FNIP1: variants seen among roughly 807,000 people sequenced by gnomAD.
FNIP1 encodes folliculin-interacting protein 1.
Under a neutral mutation model 124.5 loss-of-function variants are expected in FNIP1, and 40 were observed. The observed-to-expected ratio is 0.32, with a 90% confidence interval of 0.25 to 0.42. FNIP1 has a LOEUF of 0.42. FNIP1 is among the 10% of genes least tolerant of loss of function. The pLI is 1.00. For synonymous variants in FNIP1, 472 were observed against 470.6 expected, an observed-to-expected ratio of 1.00 and a Z score of -0.04; for missense variants, 1,176 against 1,403.7, an observed-to-expected ratio of 0.84 and a Z score of 2.59.
At chr5:131,753,948 G>T (rs1345639909) in intron 1 of FNIP1, among the ~76,000 whole-genome samples, 1 of 151,980 alleles carries the variant, frequency 6.6e-6, no homozygotes, top group East Asian at 1.9e-4. Context: ...TGAGTAGCTG[G>T]GACTACAGGC....
rs1554096094 is a variant in FNIP1, at chr5:131,716,977, A to AT, written c.531-322_531-321insA. 2.0e-5 allele frequency among the ~76,000 whole-genome samples: 3 copies of AT among 151,166 alleles called. No homozygotes were observed. In the East Asian group the frequency reaches 5.8e-4, roughly 29 times the overall value. On this transcript the variant is annotated intron_variant, in intron 5 of 17. Coordinates refer to ENST00000510461, the MANE Select transcript of FNIP1 (RefSeq NM_133372.3). ...ATTGTCTGGCTCACAAAGCCAAAAA[A>AT]ATATATATATATTTTTTTTTATTAT...
At chr5:131,765,841 C>A (rs1771402745) in intron 1 of FNIP1, among the ~76,000 whole-genome samples, 1 of 152,138 alleles carries the variant, frequency 6.6e-6, no homozygotes, top group South Asian at 2.1e-4. Context: ...CCCTATAAAA[C>A]CTAATTTTGT....
intron 2 of FNIP1, among the ~76,000 whole-genome samples, chr5:131,734,940 C>T (rs1187085221): frequency 1.3e-5 from 2 of 152,164 alleles, no homozygotes; most frequent in African/African-American, 2.4e-5. Context: ...ACCATTTGAC[C>T]TAGCAATCCC....
At chr5:131,760,685 T>C (rs1391707480) in intron 1 of FNIP1, among the ~76,000 whole-genome samples, 3 of 152,180 alleles carry the variant, frequency 2.0e-5, no homozygotes, top group Non-Finnish European at 4.4e-5. Flanking sequence ...CCATCATTGT[T>C]ATTTCTCACT....
chr5:131,731,716 G>A (rs531741971), intron 2 of FNIP1, among the ~76,000 whole-genome samples: 1 of 151,462 alleles, frequency 6.6e-6, no homozygotes, highest in Non-Finnish European at 1.5e-5. Flanking sequence ...AGGATCCCAA[G>A]AGTCTTTTGT....
rs993696014 is a variant in FNIP1 at position 131,730,663 on chromosome 5, TA to T, written c.354+240del. Among the ~76,000 whole-genome samples, 11 of 152,240 alleles carry T rather than the reference TA, an allele frequency of 7.2e-5. 1 individual carries two copies. The highest frequency in any genetic ancestry group is 5.9e-4 in the Admixed American group (9 of 15,286). ...ATAAGAAATTATTCTGATAACCCAA[TA>T]AATCTGAATTGGGAAATATAAGGAG... On this transcript the variant is annotated intron_variant, in intron 3 of 17. Coordinates refer to ENST00000510461, the MANE Select transcript of FNIP1 (RefSeq NM_133372.3).
chr5:131,687,104 CTTT>C (rs796325487), intron 11 of FNIP1, among the ~76,000 whole-genome samples: 2 of 133,886 alleles, frequency 1.5e-5, no homozygotes, highest in East Asian at 2.2e-4. Flanking sequence ...GTTTGTTTGG[CTTT>C]TTTTTTTTTT....
intron 1 of FNIP1, among the ~76,000 whole-genome samples, chr5:131,755,877 C>A (rs1024416359): frequency 1.2e-4 from 18 of 151,816 alleles, no homozygotes; most frequent in African/African-American, 4.1e-4. Flanking sequence ...GGCATAGTGG[C>A]ACATGTCTGT....
At chr5:131,741,581 C>T (rs974821635) in intron 2 of FNIP1, among the ~76,000 whole-genome samples, 6 of 152,164 alleles carry the variant, frequency 3.9e-5, no homozygotes, top group African/African-American at 1.4e-4. Context: ...TCTTCATTGA[C>T]AATTCTTTGG....
In FNIP1 at chr5:131,714,848, G is replaced by C. The variant is rs188310225; in HGVS notation, c.622+1717C>G. On this transcript the variant is annotated intron_variant, in intron 6 of 17. Transcript: ENST00000510461. ...ACTGTAATTGTTGTATTACTTTTCTGACTTCCACTCACTATAAATCCATTG... is the reference window on the plus strand; with the variant it reads ...ACTGTAATTGTTGTATTACTTTTCTCACTTCCACTCACTATAAATCCATTG... Among the ~76,000 whole-genome samples, 287 of 152,238 alleles carry C rather than the reference G, an allele frequency of 1.9e-3. 1 individual carries two copies. Among genetic ancestry groups the C allele is most frequent in the African/African-American group, 5.9e-3 (246 of 41,536 alleles).
chr5:131,718,957 C>T (rs368046795), intron 5 of FNIP1, 29 bp downstream of exon 5: 1 of 1,590,344 alleles, frequency 6.3e-7, no homozygotes, highest in Non-Finnish European at 8.6e-7. Context: ...TAAAGTGATA[C>T]ATTTCCCCCT....
intron 15 of FNIP1, among the ~76,000 whole-genome samples, chr5:131,663,098 C>G (rs1561642618): frequency 6.6e-6 from 1 of 152,144 alleles, no homozygotes; most frequent in Non-Finnish European, 1.5e-5. Context: ...ACACCTCCTA[C>G]ATCCCTGTTT....
chr5:131,685,278 T>C (rs1768234845), intron 11 of FNIP1, among the ~76,000 whole-genome samples: 1 of 152,044 alleles, frequency 6.6e-6, no homozygotes, highest in Non-Finnish European at 1.5e-5. Flanking sequence ...AGCTATCCTC[T>C]GCCACTGCAC....
intron 2 of FNIP1, among the ~76,000 whole-genome samples, chr5:131,743,893 A>C (rs1770590105): frequency 6.6e-6 from 1 of 152,214 alleles, no homozygotes; most frequent in African/African-American, 2.4e-5. Flanking sequence ...ACAAACCTGA[A>C]GGAAAAAGTA....
At chr5:131,702,277 A>G (rs1321432266) in intron 10 of FNIP1, among the ~76,000 whole-genome samples, 1 of 152,168 alleles carries the variant, frequency 6.6e-6, no homozygotes, top group Non-Finnish European at 1.5e-5. Flanking sequence ...TCTGAGCTCA[A>G]GCACCCCTCC....
In FNIP1 at chr5:131,671,730, T is replaced by C. The variant is rs779933032; in HGVS notation, c.2714A>G (p.Gln905Arg). 2 of 1,614,196 alleles carry C rather than the reference T, an allele frequency of 1.2e-6. No homozygotes were observed. ...GACAAGAATGGAGAGTGTATCTCTT[T>C]GGTCCTGCTGAGGAAAGCAGGTTTT... ...SCKTCFPQQD[Q>R]RDTLSILVPH... is the part of the protein sequence containing the mutation. Residue 905 changes from glutamine to arginine, a missense_variant, in exon 14 of 18, where the codon CAA becomes CGA. This residue lies in a region of FNIP1 where 1,109 missense variants were observed against 1,288.5 expected (regional missense o/e 0.86). Coordinates refer to ENST00000510461, the MANE Select transcript of FNIP1 (RefSeq NM_133372.3).
intron 1 of FNIP1, among the ~76,000 whole-genome samples, chr5:131,762,142 C>T (rs1355914522): frequency 6.6e-6 from 1 of 152,118 alleles, no homozygotes; most frequent in Non-Finnish European, 1.5e-5. Context: ...GGACCTCAAA[C>T]TATGAAACTG....
In FNIP1 at chr5:131,643,307, T is replaced by C. The variant is rs1766770499; in HGVS notation, c.*1378A>G. ...GAATGGATGTGTTATATAGTAAATA[T>C]ATTTAATAACTGAATAAACAAGTGG... On this transcript the variant is annotated 3_prime_UTR_variant, in exon 18 of 18. Coordinates refer to ENST00000510461, the MANE Select transcript of FNIP1 (RefSeq NM_133372.3). 6.5e-6 allele frequency: 1 copy of C among 152,688 alleles called. No individual in the cohort carries two copies. Among genetic ancestry groups the C allele is most frequent in the Admixed American group, 6.5e-5 (1 of 15,284 alleles). 9.5% of individuals were successfully genotyped at this position (152,688 alleles called of 1,614,324 possible). A position where few individuals can be genotyped will look rare whatever the true frequency, so the allele number is the denominator to read the frequency against.
chr5:131,786,520 G>C (rs979009417), intron 1 of FNIP1, among the ~76,000 whole-genome samples: 1 of 152,140 alleles, frequency 6.6e-6, no homozygotes, highest in Non-Finnish European at 1.5e-5. Flanking sequence ...ACCACTAGAG[G>C]ACAAACTAAA....
Sources: gnomAD v4.1 joint callset for allele counts (sites outside exome capture counted in the v4.1 genomes callset) on GRCh38, gnomAD v4.1.1 for gene constraint, gnomAD v4.1.1 regional missense constraint, MANE v1.5 for transcripts, NCBI Gene and HGNC (gene_info 2026-07-23, HGNC 2026-07-21) for gene names.